The following ZDHHC16 variants were observed in gnomAD, a reference collection of about 807,000 sequenced individuals.
ZDHHC16 encodes the protein zDHHC palmitoyltransferase 16.
In ZDHHC16, 33 loss-of-function variants were observed where a neutral mutation model predicts 54.4. The ratio of observed to expected loss-of-function variants is 0.61; its 90% confidence interval spans 0.46 to 0.81. The LOEUF (loss-of-function observed/expected upper bound fraction) is 0.81. Among genes scored for constraint, ZDHHC16 ranks in the 30% least tolerant of loss-of-function variants. The pLI is 0.00. For synonymous variants in ZDHHC16, 185 were observed against 182.1 expected (o/e 1.02, Z -0.13); for missense variants, 420 against 485.9 (o/e 0.86, Z 1.28).
chr10:97,451,954 G>C (rs1846669557), intron 3 of ZDHHC16, 36 bp downstream of exon 3: 1 of 1,593,734 alleles, frequency 6.3e-7, no homozygotes, highest in Non-Finnish European at 8.6e-7. Flanking sequence ...AAGGGGTGTT[G>C]TGGGGAGCAG....
chr10:97,453,473 G>A, intron 6 of ZDHHC16, 57 bp from the exon 7 acceptor site: 2 of 1,593,130 alleles, frequency 1.3e-6, no homozygotes, highest in South Asian at 1.1e-5. Flanking sequence ...AACCTGAGGG[G>A]CCTGGACACC....
Position 97,454,767 on chromosome 10 carries a change from C to T in ZDHHC16, c.792C>T (p.His264=). 2 of 1,614,184 alleles carry T rather than the reference C, an allele frequency of 1.2e-6. No individual in the cohort carries two copies. The highest frequency in any genetic ancestry group is 1.7e-6 in the Non-Finnish European group (2 of 1,180,034). Residue 264 remains histidine (H), a synonymous_variant, in exon 9 of 12, where the codon CAC becomes CAT. Coordinates refer to ENST00000393760, the MANE Select transcript of ZDHHC16 (RefSeq NM_198046.3). ...PTFSFRERMT[H]KSLVYLWFLC... ...TCTCCTTTCGAGAAAGGATGACTCA[C>T]AAGAGTCTTGTCTACCTCTGGTTCC...
chr10:97,448,033 T>A (rs534939504), intron 1 of ZDHHC16, among the ~76,000 whole-genome samples: 1 of 152,322 alleles, frequency 6.6e-6, no homozygotes, highest in African/African-American at 2.4e-5. Flanking sequence ...GGCCCTAGCC[T>A]CAGACTTTGT....
Position 97,452,949 on chromosome 10 carries a change from T to C in ZDHHC16, c.556+26T>C, listed in dbSNP as rs993955925. ...GTATCCTTTTGCTTTCTCTTCTGCC[T>C]GAGGCCTTCTTTAGCTCCAGAGCAC... is the stretch of plus-strand genomic sequence containing the variant. On this transcript the variant is annotated intron_variant, in intron 6 of 11. Coordinates refer to ENST00000393760, the MANE Select transcript of ZDHHC16 (RefSeq NM_198046.3). The C allele has an allele frequency of 1.9e-6, 3 of 1,614,090 alleles. No homozygotes were observed. In the African/African-American group the frequency reaches 4.0e-5, roughly 22 times the overall value.
chr10:97,446,212 T>A lies in ZDHHC16; in HGVS notation c.-327T>A. 1 of 633,708 alleles carries A rather than the reference T, an allele frequency of 1.6e-6. No homozygotes were observed. 39.3% of individuals were successfully genotyped at this position (633,708 alleles called of 1,614,324 possible). On this transcript the variant is annotated 5_prime_UTR_variant, in exon 1 of 12. Coordinates refer to ENST00000393760, the MANE Select transcript of ZDHHC16 (RefSeq NM_198046.3). ...GGGCTGGCGGCGGGTCCGGGTCCGC[T>A]GCCTGGCGCTGCGGGCGGCGGGCCA... is the stretch of plus-strand genomic sequence containing the variant.
At chr10:97,456,180 T>C (rs1847164866) in intron 11 of ZDHHC16, 136 bp downstream of exon 11, 5 of 919,868 alleles carry the variant, frequency 5.4e-6, no homozygotes, top group Non-Finnish European at 4.9e-6. Flanking sequence ...ATAGAGATCA[T>C]TGTCCATTTG....
chr10:97,455,471 T>G (rs1301776314), intron 9 of ZDHHC16, 189 bp from the exon 10 acceptor site: 4 of 1,010,798 alleles, frequency 4.0e-6, no homozygotes, highest in Non-Finnish European at 5.8e-6. Flanking sequence ...TTAGGCCACT[T>G]TGATGCTTTT....
At chr10:97,454,856 G>C (rs1847015227) in intron 9 of ZDHHC16, 57 bp downstream of exon 9, 3 of 1,478,140 alleles carry the variant, frequency 2.0e-6, no homozygotes, top group Non-Finnish European at 2.8e-6. Flanking sequence ...AGTTTTTTAG[G>C]TGCCCACACG....
rs1217967033 is a variant in ZDHHC16 at position 97,449,631 on chromosome 10, C to T, written c.-185-726C>T. Among the ~76,000 whole-genome samples, 16 of 152,158 alleles carry T rather than the reference C, an allele frequency of 1.1e-4. 1 individual carries two copies. In the South Asian group the frequency reaches 1.9e-3, roughly 18 times the overall value. On this transcript the variant is annotated intron_variant, in intron 1 of 11. Transcript: ENST00000393760. Reference sequence around the variant, plus strand: ...GCAACCTCCACCTCCCGGGTTTCAGCGATTCTCCTGCCTCAGGCTCCCAAG... The same window carrying T: ...GCAACCTCCACCTCCCGGGTTTCAGTGATTCTCCTGCCTCAGGCTCCCAAG...
Position 97,452,435 on chromosome 10 carries a change from C to T in ZDHHC16, c.459C>T (p.Thr153=), listed in dbSNP as rs1216978366. 4.3e-6 allele frequency: 7 copies of T among 1,614,048 alleles called. No homozygotes were observed. The highest frequency in any genetic ancestry group is 1.7e-5 in the Admixed American group (1 of 59,992). Residue 153 remains threonine, a synonymous_variant, in exon 5 of 12, where the codon ACC becomes ACT. Coordinates refer to ENST00000393760, the MANE Select transcript of ZDHHC16 (RefSeq NM_198046.3). ...YPPQGRNDIA[T]VSICKKCIYP... ...CACAGGGCAGGAATGATATCGCCAC[C>T]GTCTCCATCTGTAAGAAGTGCATTT... is the stretch of plus-strand genomic sequence containing the variant.
chr10:97,448,349 G>A (rs1022564694), intron 1 of ZDHHC16: 1 of 152,144 alleles, frequency 6.6e-6, no homozygotes, highest in Non-Finnish European at 1.5e-5. Flanking sequence ...TCCATGAGCC[G>A]GGTATTGTGC....
chr10:97,448,976 G>A (rs2133193746), intron 1 of ZDHHC16, among the ~76,000 whole-genome samples: 1 of 152,280 alleles, frequency 6.6e-6, no homozygotes, highest in South Asian at 2.1e-4. Context: ...TATCTGTATA[G>A]TTACAGAATC....
Position 97,452,579 on chromosome 10 carries a change from T to G in ZDHHC16, c.527+76T>G, listed in dbSNP as rs572021145. The G allele has an allele frequency of 6.7e-6, 10 of 1,484,296 alleles. No individual in the cohort carries two copies. In the African/African-American group the frequency reaches 1.1e-4, roughly 17 times the overall value. The allele number at this position is 1,484,296 out of a possible 1,614,324, so 91.9% of individuals were successfully genotyped here. A position where few individuals can be genotyped will look rare whatever the true frequency, so the allele number is the denominator to read the frequency against. On this transcript the variant is annotated intron_variant, in intron 5 of 11. Transcript: ENST00000393760. ...CCCTAGGGCAAAACCTAACCTTGAGTTTGCTAAGACATGGGTGAATCACCC... is the reference window on the plus strand; with the variant it reads ...CCCTAGGGCAAAACCTAACCTTGAGGTTGCTAAGACATGGGTGAATCACCC...
chr10:97,449,694 A>G (rs1487610939), intron 1 of ZDHHC16, among the ~76,000 whole-genome samples: 1 of 151,576 alleles, frequency 6.6e-6, no homozygotes, highest in East Asian at 1.9e-4. Context: ...ATGCCCAGCT[A>G]TTTTTTTGCA....
chr10:97,447,538 G>A (rs1354015927), intron 1 of ZDHHC16, among the ~76,000 whole-genome samples: 1 of 152,116 alleles, frequency 6.6e-6, no homozygotes, highest in African/African-American at 2.4e-5. Context: ...GTAAAGCTGC[G>A]CTTTGCTCTG....
chr10:97,448,866 C>G (rs1846342767), intron 1 of ZDHHC16, among the ~76,000 whole-genome samples: 1 of 152,170 alleles, frequency 6.6e-6, no homozygotes, highest in Non-Finnish European at 1.5e-5. Context: ...AGGTTATATG[C>G]AAACACTATG....
In ZDHHC16 at chr10:97,449,861, C is replaced by CT. The variant is rs35173837; in HGVS notation, c.-185-475dup. The stretch of plus-strand genomic sequence containing the variant: ...TCTCTTTTCTACACTCCCCTTAATT[C>CT]TTTTTTTTTTTTTTTTTTTTTGAGA... On this transcript the variant is annotated intron_variant, in intron 1 of 11. Coordinates refer to ENST00000393760, the MANE Select transcript of ZDHHC16 (RefSeq NM_198046.3). 7.7e-3 allele frequency among the ~76,000 whole-genome samples: 626 copies of CT among 81,528 alleles called. 58 individuals are homozygous for CT. Among genetic ancestry groups the CT allele is most frequent in the African/African-American group, 0.019 (317 of 17,020 alleles). The allele number at this position is 81,528 out of a possible 152,430, so 53.5% of individuals were successfully genotyped here.
chr10:97,454,067 C>T (rs555552641), intron 8 of ZDHHC16, among the ~76,000 whole-genome samples: 4 of 152,288 alleles, frequency 2.6e-5, no homozygotes, highest in African/African-American at 7.2e-5. Flanking sequence ...CTATCTATCC[C>T]GTCATCACCT....
rs1845998175 is a variant in ZDHHC16 at position 97,446,203 on chromosome 10, CG to C, written c.-333del. 1.5e-6 allele frequency: 1 copy of C among 668,072 alleles called. No homozygotes were observed. The highest frequency in any genetic ancestry group is 2.5e-6 in the Non-Finnish European group (1 of 394,196). 41.4% of individuals were successfully genotyped at this position (668,072 alleles called of 1,614,324 possible). A position where few individuals can be genotyped will look rare whatever the true frequency, so the allele number is the denominator to read the frequency against. ...GTTGAGGATGGGCTGGCGGCGGGTCCGGGTCCGCTGCCTGGCGCTGCGGGCG... is the reference window on the plus strand; with the variant it reads ...GTTGAGGATGGGCTGGCGGCGGGTCCGGTCCGCTGCCTGGCGCTGCGGGCG... On this transcript the variant is annotated 5_prime_UTR_variant, in exon 1 of 12. The change abolishes the stop of an existing upstream ORF in the 5' untranslated region. Transcript: ENST00000393760.
Sources: gnomAD v4.1 joint callset for allele counts (sites outside exome capture counted in the v4.1 genomes callset) on GRCh38, gnomAD v4.1.1 for gene constraint, MANE v1.5 for transcripts, NCBI Gene and HGNC (gene_info 2026-07-23, HGNC 2026-07-21) for gene names.